IL1RL2: variants seen among roughly 807,000 people sequenced by gnomAD.
IL1RL2 encodes interleukin-1 receptor-like 2.
Under a neutral mutation model 66.8 loss-of-function variants are expected in IL1RL2, and 68 were observed. That is an observed-to-expected ratio of 1.02 (90% CI 0.84 to 1.25). The LOEUF is 1.25. Ranked by LOEUF, IL1RL2 falls within the 50% of genes most tolerant of loss-of-function variation. The probability of loss-of-function intolerance (pLI) is 0.00; values close to 1 mark genes in which losing one functional copy is unlikely to be tolerated. For synonymous variants in IL1RL2, 305 were observed against 264.6 expected (o/e 1.15, Z -1.48); for missense variants, 729 against 709.3 (o/e 1.03, Z -0.32).
In IL1RL2 at chr2:102,224,630, T is replaced by G. The variant is rs34376156; in HGVS notation, c.992-1268T>G. Among the ~76,000 whole-genome samples the G allele has an allele frequency of 6.0e-3, 920 of 152,194 alleles. 6 individuals are homozygous for G. Among genetic ancestry groups the G allele is most frequent in the Middle Eastern group, 0.01 (3 of 294 alleles). ...ATGGGTAAAAGAAAAAAATACAGTT[T>G]GATAGTAGGAATGAGATCTAGTGTT... is the stretch of plus-strand genomic sequence containing the variant. On this transcript the variant is annotated intron_variant, in intron 8 of 11. Coordinates refer to ENST00000264257, the MANE Select transcript of IL1RL2 (RefSeq NM_003854.4).
intron 11 of IL1RL2, chr2:102,235,763 C>T (rs542634002): frequency 2.3e-5 from 23 of 985,398 alleles, no homozygotes; most frequent in South Asian, 1.9e-4. Context: ...GCCCCATGCT[C>T]AGGGGTCATT....
chr2:102,225,615 T>A (rs1387995565), intron 8 of IL1RL2, among the ~76,000 whole-genome samples: 1 of 152,178 alleles, frequency 6.6e-6, no homozygotes, highest in Non-Finnish European at 1.5e-5. Flanking sequence ...TCCAGTTGGG[T>A]CCATGCTGCG....
chr2:102,233,254 C>G (rs1363137872), intron 10 of IL1RL2, 130 bp downstream of exon 10: 1 of 895,760 alleles, frequency 1.1e-6, no homozygotes, highest in Non-Finnish European at 1.6e-6. Flanking sequence ...ATGACCAGCG[C>G]CCCCTGCCCG....
chr2:102,200,117 C>CAAAAA (rs35208716), intron 4 of IL1RL2, among the ~76,000 whole-genome samples: 15 of 95,040 alleles, frequency 1.6e-4, no homozygotes, highest in Non-Finnish European at 1.6e-4. Flanking sequence ...CCTGTTCCAG[C>CAAAAA]AAAAAAAAAA....
intron 9 of IL1RL2, among the ~76,000 whole-genome samples, chr2:102,227,980 G>C (rs1359609778): frequency 6.6e-6 from 1 of 152,160 alleles, no homozygotes; most frequent in Non-Finnish European, 1.5e-5. Context: ...CGGAGTAGTG[G>C]GGGCTGGGCA....
chr2:102,210,501 G>C (rs773922630), intron 5 of IL1RL2, among the ~76,000 whole-genome samples: 2 of 152,190 alleles, frequency 1.3e-5, no homozygotes, highest in Non-Finnish European at 1.5e-5. Flanking sequence ...CAGAAGTGCA[G>C]GTACAGAAGC....
At chr2:102,200,468 ATATT>A (rs1688163402) in intron 4 of IL1RL2, among the ~76,000 whole-genome samples, 1 of 152,264 alleles carries the variant, frequency 6.6e-6, no homozygotes, top group African/African-American at 2.4e-5. Context: ...GGGCAGGTAA[ATATT>A]TATTTAATTA....
chr2:102,190,985 T>G (rs1578085323), intron 3 of IL1RL2, among the ~76,000 whole-genome samples: 1 of 152,342 alleles, frequency 6.6e-6, no homozygotes, highest in East Asian at 1.9e-4. Flanking sequence ...TGCTTTGAAA[T>G]AATTTTAAAT....
At chr2:102,235,722 T>C (rs1674818350) in intron 11 of IL1RL2, 2 of 985,216 alleles carry the variant, frequency 2.0e-6, no homozygotes, top group East Asian at 1.1e-4. Context: ...AGGATAGCAG[T>C]ATTTGTCCAC....
intron 2 of IL1RL2, 34 bp from the exon 3 acceptor site, chr2:102,189,041 TG>T: frequency 6.7e-7 from 1 of 1,497,642 alleles, no homozygotes; most frequent in Non-Finnish European, 9.2e-7. Context: ...TTTTCTTTCA[TG>T]GATAATTGTT....
At chr2:102,222,134 A>G (rs1426756035) in intron 8 of IL1RL2, among the ~76,000 whole-genome samples, 1 of 152,178 alleles carries the variant, frequency 6.6e-6, no homozygotes, top group East Asian at 1.9e-4. Flanking sequence ...GTTTTATATT[A>G]AGAGAAGTAT....
At chr2:102,187,175 T>C in intron 1 of IL1RL2, 89 bp downstream of exon 1, 3 of 1,253,894 alleles carry the variant, frequency 2.4e-6, no homozygotes, top group Non-Finnish European at 3.1e-6. Context: ...GTGGCAACAA[T>C]GTGTGCCACC....
rs1270770720 is a variant in IL1RL2 at position 102,195,665 on chromosome 2, T to C, written c.489+3545T>C. ...TCTCTCTCTTTCTTTCTTTCTTTCT[T>C]TCTTTCTTTCTTTCTTTCTTCTTTC... On this transcript the variant is annotated intron_variant, in intron 4 of 11. Transcript: ENST00000264257. Among the ~76,000 whole-genome samples the C allele has an allele frequency of 4.4e-4, 58 of 130,698 alleles. 3 individuals carry two copies. In the East Asian group the frequency reaches 9.6e-3, roughly 22 times the overall value. The allele number at this position is 130,698 out of a possible 152,430, so 85.7% of individuals were successfully genotyped here. A position where few individuals can be genotyped will look rare whatever the true frequency, so the allele number is the denominator to read the frequency against.
intron 6 of IL1RL2, among the ~76,000 whole-genome samples, chr2:102,214,015 A>G (rs375766286): frequency 3.9e-5 from 6 of 152,192 alleles, no homozygotes; most frequent in Non-Finnish European, 5.9e-5. Flanking sequence ...CTAGGCCCAT[A>G]TGTTTTTAGG....
intron 4 of IL1RL2, among the ~76,000 whole-genome samples, chr2:102,193,964 T>G (rs890781953): frequency 6.6e-6 from 1 of 152,160 alleles, no homozygotes; most frequent in Non-Finnish European, 1.5e-5. Flanking sequence ...AAAACCCCTT[T>G]TCATTGAAGT....
chr2:102,209,836 G>C (rs1458934538), intron 5 of IL1RL2, among the ~76,000 whole-genome samples: 1 of 152,130 alleles, frequency 6.6e-6, no homozygotes, highest in Non-Finnish European at 1.5e-5. Context: ...CTTGGGAAGA[G>C]GCCATGGGGG....
chr2:102,234,391 G>C (rs1674653024), intron 10 of IL1RL2, among the ~76,000 whole-genome samples: 1 of 152,072 alleles, frequency 6.6e-6, no homozygotes. Flanking sequence ...GAGGACCAAG[G>C]CTCCAGGGAA....
chr2:102,235,770 C>T lies in IL1RL2; in HGVS notation c.1678+493C>T, dbSNP rs1674824673. 6 of 985,280 alleles carry T rather than the reference C, an allele frequency of 6.1e-6. No homozygotes were observed. The African/African-American group carries it at 7.0e-5, about 11-fold the overall frequency. The allele number at this position is 985,280 out of a possible 1,614,324, so 61.0% of individuals were successfully genotyped here. ...TCTTCAGGGCCCCATGCTCAGGGGT[C>T]ATTTGCTGTGTCTGCGTCTCTCTCA... is the stretch of plus-strand genomic sequence containing the variant. On this transcript the variant is annotated intron_variant, in intron 11 of 11. Coordinates refer to ENST00000264257, the MANE Select transcript of IL1RL2 (RefSeq NM_003854.4).
At chr2:102,241,876 T>TA (rs1675239840), downstream of IL1RL2, among the ~76,000 whole-genome samples, 1 of 152,264 alleles carries the variant, frequency 6.6e-6, no homozygotes, top group African/African-American at 2.4e-5. Context: ...GTTATGTTTC[T>TA]AAAAGCATCT....
Sources: allele counts gnomAD v4.1 joint callset (sites outside exome capture counted in the v4.1 genomes callset), GRCh38; gene constraint gnomAD v4.1.1; transcripts MANE v1.5; gene names NCBI Gene and HGNC (gene_info 2026-07-23, HGNC 2026-07-21).